The following JADE3 variants were observed in gnomAD, a reference collection of about 807,000 sequenced individuals.
JADE3 encodes the protein jade family PHD finger 3, also known as protein Jade-3.
Under a neutral mutation model 50.1 loss-of-function variants are expected in JADE3, and 2 were observed. That is an observed-to-expected ratio of 0.04 (90% confidence interval 0.02 to 0.13). The LOEUF is 0.13. JADE3 is among the 10% of genes least tolerant of loss of function. The pLI, the probability that JADE3 is intolerant of heterozygous loss-of-function variation, is 1.00. For missense variants in JADE3, 475 were observed against 634.4 expected, an observed-to-expected ratio of 0.75 and a Z score of 2.70; for synonymous variants, 218 against 232.9, an observed-to-expected ratio of 0.94 and a Z score of 0.58.
Position 46,947,650 on chromosome X carries a change from C to T in JADE3, c.-12+34931C>T, listed in dbSNP as rs782705344. ...TGGATATTGATGAGCTTTTTTGGCT[C>T]CTATATAGGCAATATCAGGGTTTGT... On this transcript the variant is annotated intron_variant, in intron 1 of 10. Coordinates refer to ENST00000614628, the MANE Select transcript of JADE3 (RefSeq NM_014735.5). Among the ~76,000 whole-genome samples the T allele has an allele frequency of 9.0e-5, 10 of 111,113 alleles. No individual in the cohort carries two copies. In the South Asian group the frequency reaches 3.5e-3, roughly 38 times the overall value.
chrX:46,945,125 G>C (rs1477034266), intron 1 of JADE3, among the ~76,000 whole-genome samples: 2 of 108,733 alleles, frequency 1.8e-5, no homozygotes, highest in African/African-American at 6.7e-5. Flanking sequence ...CCAAAGTGCT[G>C]GGAGGTGCCC....
intron 1 of JADE3, among the ~76,000 whole-genome samples, chrX:46,953,842 G>A (rs141549532): frequency 4.0e-4 from 45 of 111,619 alleles, no homozygotes; most frequent in Middle Eastern, 9.2e-3. Context: ...CCTCTCTGTC[G>A]TAGTCTCTTG....
intron 1 of JADE3, among the ~76,000 whole-genome samples, chrX:46,934,302 A>T (rs1272979219): frequency 4.9e-5 from 5 of 101,623 alleles, no homozygotes; most frequent in Non-Finnish European, 8.1e-5. Context: ...CGCCTGGCAA[A>T]TTTTTTTTTT....
At chrX:46,917,648 G>C (rs1364288083) in intron 1 of JADE3, among the ~76,000 whole-genome samples, 5 of 111,000 alleles carry the variant, frequency 4.5e-5, no homozygotes, top group Non-Finnish European at 9.5e-5. Context: ...GATCCACAGA[G>C]GTTTGGCTAG....
rs372278012 is a variant in JADE3 at position 47,039,616 on chromosome X, T to C, written c.972+551T>C. ...TTTTTCCTGTCTTTATGTCTGTGTATACCCACTGTTTAGCTCCCGTTTGTA... is the reference window on the plus strand; with the variant it reads ...TTTTTCCTGTCTTTATGTCTGTGTACACCCACTGTTTAGCTCCCGTTTGTA... On this transcript the variant is annotated intron_variant, in intron 8 of 10. Transcript: ENST00000614628. Among the ~76,000 whole-genome samples, 71 of 111,537 alleles carry C rather than the reference T, an allele frequency of 6.4e-4. No individual in the cohort carries two copies. In the South Asian group the frequency reaches 0.024, roughly 38 times the overall value.
At chrX:46,935,792 G>A (rs921139586) in intron 1 of JADE3, among the ~76,000 whole-genome samples, 9 of 105,443 alleles carry the variant, frequency 8.5e-5, no homozygotes, top group African/African-American at 3.1e-4. Flanking sequence ...ATGAGAAAGG[G>A]CATCTTTTTC....
At chrX:46,951,134 A>G (rs1247181068) in intron 1 of JADE3, among the ~76,000 whole-genome samples, 2 of 106,503 alleles carry the variant, frequency 1.9e-5, no homozygotes. Context: ...GCTGTAGTGC[A>G]GTGGCACAGT....
At chrX:46,974,881 C>A (rs1243052900) in intron 1 of JADE3, among the ~76,000 whole-genome samples, 1 of 112,548 alleles carries the variant, frequency 8.9e-6, no homozygotes, top group Non-Finnish European at 1.9e-5. Context: ...GATTTCTCAG[C>A]CTTGGCACTG....
intron 8 of JADE3, among the ~76,000 whole-genome samples, chrX:47,039,321 G>A (rs1272216451): frequency 9.1e-6 from 1 of 110,342 alleles, no homozygotes; most frequent in Non-Finnish European, 1.9e-5. Context: ...AATTAAGTGA[G>A]TTCTAAAGCT....
intron 8 of JADE3, among the ~76,000 whole-genome samples, chrX:47,051,924 G>A (rs576630079): frequency 9.0e-6 from 1 of 111,274 alleles, no homozygotes; most frequent in Non-Finnish European, 1.9e-5. Context: ...GTGAAACCCC[G>A]TCTCTACTAA....
chrX:46,946,596 A>G (rs781906348), intron 1 of JADE3, among the ~76,000 whole-genome samples: 1 of 112,392 alleles, frequency 8.9e-6, no homozygotes, highest in East Asian at 2.8e-4. Flanking sequence ...TCTGATCTGT[A>G]TGAGCTAAGA....
At position 47,058,734 on chromosome X, in the gene JADE3, A is replaced by G; in HGVS notation, c.2129A>G (p.Glu710Gly). 8.3e-7 allele frequency: 1 copy of G among 1,210,137 alleles called. No homozygotes were observed. Among genetic ancestry groups the G allele is most frequent in the South Asian group, 1.8e-5 (1 of 56,885 alleles). The change falls in exon 11 of 11, where the codon GAA becomes GGA. Residue 710 changes from glutamate to glycine, a missense_variant. Physicochemically the swap from Glu to Gly is moderately conservative, Grantham distance 98. This residue lies in a region of JADE3 where 243 missense variants were observed against 238.2 expected (regional missense o/e 1.02). Transcript: ENST00000614628. ...GGCAGCTTTAGAAAATCCACTGTAG[A>G]ACACTTTAGTAGGTCCTTTAAAGAG... is the stretch of plus-strand genomic sequence containing the variant. ...SQGSFRKSTV[E>G]HFSRSFKETT...
At chrX:46,992,372 C>A (rs1348603534) in intron 3 of JADE3, among the ~76,000 whole-genome samples, 1 of 95,443 alleles carries the variant, frequency 1.0e-5, no homozygotes, top group African/African-American at 3.8e-5. Flanking sequence ...GGGTGGGACC[C>A]CCCCCCCCAT....
At chrX:46,915,351 ATC>A (rs1224980974) in intron 1 of JADE3, among the ~76,000 whole-genome samples, 1 of 112,151 alleles carries the variant, frequency 8.9e-6, no homozygotes, top group Non-Finnish European at 1.9e-5. Flanking sequence ...CATTAAGAAA[ATC>A]TCTCATTGAG....
At chrX:46,926,021 A>AATTTTATTTTATTTTATTTT (rs201354375) in intron 1 of JADE3, among the ~76,000 whole-genome samples, 895 of 80,080 alleles carry the variant, frequency 0.011, 28 homozygotes, top group African/African-American at 0.042. Context: ...ATGCCCAGCT[A>AATTTTATTTTATTTTATTTT]ATTTTATTTT....
At chrX:46,937,782 A>G (rs781958385) in intron 1 of JADE3, among the ~76,000 whole-genome samples, 1 of 111,306 alleles carries the variant, frequency 9.0e-6, no homozygotes, top group East Asian at 2.8e-4. Flanking sequence ...GGAGTTTGAA[A>G]CCAGCCTGAC....
intron 4 of JADE3, among the ~76,000 whole-genome samples, chrX:47,000,212 C>T (rs1385060816): frequency 9.0e-6 from 1 of 111,234 alleles, no homozygotes; most frequent in African/African-American, 3.3e-5. Context: ...AACACCATCT[C>T]CTGCCCCCTA....
At chrX:46,936,145 A>G (rs144142387) in intron 1 of JADE3, among the ~76,000 whole-genome samples, 1,149 of 108,363 alleles carry the variant, frequency 0.011, 40 homozygotes, top group African/African-American at 0.037. Flanking sequence ...CAGCCTCCTG[A>G]GTAGCTGGGA....
chrX:46,921,630 T>G lies in JADE3; in HGVS notation c.-12+8911T>G, dbSNP rs144984317. ...TTTCAAATGTTTAAAAAGAAAAGATTATATTCTACCTTCATTTATTCCTTT... is the reference window on the plus strand; with the variant it reads ...TTTCAAATGTTTAAAAAGAAAAGATGATATTCTACCTTCATTTATTCCTTT... On this transcript the variant is annotated intron_variant, in intron 1 of 10. Transcript: ENST00000614628. Among the ~76,000 whole-genome samples the G allele has an allele frequency of 1.3e-4, 15 of 111,852 alleles. No individual in the cohort carries two copies. The East Asian group carries it at 3.4e-3, about 25-fold the overall frequency.
Sources: allele counts gnomAD v4.1 joint callset (sites outside exome capture counted in the v4.1 genomes callset), GRCh38; gene constraint gnomAD v4.1.1; regional missense constraint gnomAD v4.1.1; transcripts MANE v1.5; gene names NCBI Gene and HGNC (gene_info 2026-07-23, HGNC 2026-07-21).